The following CEP44 variants were observed in gnomAD, a reference collection of about 807,000 sequenced individuals.
CEP44 encodes centrosomal protein 44.
In CEP44, 45 loss-of-function variants were observed where a neutral mutation model predicts 46.7. That is an observed-to-expected ratio of 0.96 (90% CI 0.76 to 1.24). The LOEUF (loss-of-function observed/expected upper bound fraction) is 1.24. CEP44 is among the 50% of genes most tolerant of loss of function. CEP44 has a pLI of 0.00. For synonymous variants in CEP44, 142 were observed against 146.0 expected (o/e 0.97, Z 0.20); for missense variants, 475 against 459.7 (o/e 1.03, Z -0.30).
chr4:174,330,309 C>T (rs1318915413), intron 8 of CEP44, among the ~76,000 whole-genome samples: 2 of 151,770 alleles, frequency 1.3e-5, no homozygotes, highest in African/African-American at 4.8e-5. Flanking sequence ...GCCAACATGG[C>T]GAAACCCCGT....
chr4:174,294,732 C>A (rs1413518930), intron 1 of CEP44, among the ~76,000 whole-genome samples: 2 of 143,606 alleles, frequency 1.4e-5, no homozygotes, highest in Non-Finnish European at 3.2e-5. Context: ...CTGACCACCC[C>A]CCACCTCCCT....
At chr4:174,308,407 G>T (rs1488084527) in intron 6 of CEP44, among the ~76,000 whole-genome samples, 1 of 152,102 alleles carries the variant, frequency 6.6e-6, no homozygotes, top group Non-Finnish European at 1.5e-5. Flanking sequence ...GTTCTCACTT[G>T]TAAGTGGGAG....
chr4:174,307,725 T>C (rs1740593151), intron 6 of CEP44, among the ~76,000 whole-genome samples: 1 of 151,912 alleles, frequency 6.6e-6, no homozygotes. Context: ...GACAAAGGCC[T>C]AATATCTAGC....
rs937244105 is a variant in CEP44, at chr4:174,305,848, G to C, written c.507+1479G>C. On this transcript the variant is annotated intron_variant, in intron 6 of 11. Transcript: ENST00000503780. ...ATGTGCTTTTCAATGTTCTATTTCA[G>C]TATGAGAGTTGAGGGGACAGTGTAA... Among the ~76,000 whole-genome samples the C allele has an allele frequency of 8.5e-5, 13 of 152,156 alleles. 1 individual carries two copies. The highest frequency in any genetic ancestry group is 8.5e-4 in the Admixed American group (13 of 15,286).
intron 6 of CEP44, among the ~76,000 whole-genome samples, 197 bp from the exon 7 acceptor site, chr4:174,308,492 A>G (rs1740699396): frequency 6.6e-6 from 1 of 152,096 alleles, no homozygotes; most frequent in African/African-American, 2.4e-5. Context: ...GGAGGGTAGG[A>G]GGAGGTTCAG....
Position 174,283,977 on chromosome 4 carries a change from A to G in CEP44, c.-148+34A>G. ...CGGGCAGGAACCCACAATTCCAAAT[A>G]CAAACGGTCGGCGCGAGAAGCGCTT... On this transcript the variant is annotated intron_variant, in intron 1 of 11. Coordinates refer to ENST00000503780, the MANE Select transcript of CEP44 (RefSeq NM_001040157.3). This position sits in a 1 kb window ranked among gnomAD's most constrained non-coding sequence, Gnocchi z 6.7. 2.5e-6 allele frequency: 1 copy of G among 399,668 alleles called. No homozygotes were observed. Among genetic ancestry groups the G allele is most frequent in the Non-Finnish European group, 4.4e-6 (1 of 226,798 alleles). 24.8% of individuals were successfully genotyped at this position (399,668 alleles called of 1,614,324 possible).
chr4:174,284,800 G>A (rs1436210721), intron 1 of CEP44, among the ~76,000 whole-genome samples: 3 of 152,040 alleles, frequency 2.0e-5, no homozygotes, highest in African/African-American at 7.2e-5. Flanking sequence ...TTCATAAACT[G>A]TTTTTCTCAT....
In CEP44 at chr4:174,311,059, T is replaced by A. The variant is rs1741025800; in HGVS notation, c.961+201T>A. Among the ~76,000 whole-genome samples the A allele has an allele frequency of 6.6e-6, 1 of 152,014 alleles. No homozygotes were observed. The highest frequency in any genetic ancestry group is 2.4e-5 in the African/African-American group (1 of 41,442). On this transcript the variant is annotated intron_variant, in intron 9 of 11. Coordinates refer to ENST00000503780, the MANE Select transcript of CEP44 (RefSeq NM_001040157.3). The surrounding 1 kb of genome is among the most constrained non-coding windows in gnomAD (Gnocchi z 4.4). ...TATTTCACATAACATAGTGGGTGAA[T>A]AAATTTCAGTGTACAAAATTGAAAA...
chr4:174,324,476 C>T (rs1742526708), downstream of CEP44, among the ~76,000 whole-genome samples: 1 of 152,094 alleles, frequency 6.6e-6, no homozygotes, highest in African/African-American at 2.4e-5. Context: ...AACTCTTTTC[C>T]AAACTGGCTG....
intron 2 of CEP44, among the ~76,000 whole-genome samples, 174 bp downstream of exon 2, chr4:174,298,236 C>T (rs1392530292): frequency 4.1e-5 from 5 of 122,118 alleles, no homozygotes; most frequent in Admixed American, 1.1e-4. Flanking sequence ...AGTGCAGTGG[C>T]GGGATCTCGG....
chr4:174,310,057 G>A lies in CEP44; in HGVS notation c.885+1G>A. 1 of 1,608,344 alleles carries A rather than the reference G, an allele frequency of 6.2e-7. No homozygotes were observed. Among genetic ancestry groups the A allele is most frequent in the Non-Finnish European group, 8.5e-7 (1 of 1,177,484 alleles). ...AACAGAAATGCTTTTGTCTAAAAAGGTATTTTCCTCCTTTAACATTTATAA... is the reference window on the plus strand; with the variant it reads ...AACAGAAATGCTTTTGTCTAAAAAGATATTTTCCTCCTTTAACATTTATAA... On this transcript the variant is annotated splice_donor_variant, in intron 8 of 11. Coordinates refer to ENST00000503780, the MANE Select transcript of CEP44 (RefSeq NM_001040157.3). LOFTEE classifies it high-confidence loss of function. This position sits in a 1 kb window ranked among gnomAD's most constrained non-coding sequence, Gnocchi z 4.2.
chr4:174,316,560 A>G lies in CEP44; in HGVS notation c.1117A>G (p.Lys373Glu). The G allele has an allele frequency of 1.3e-6, 2 of 1,588,086 alleles. No individual in the cohort carries two copies. The highest frequency in any genetic ancestry group is 1.7e-6 in the Non-Finnish European group (2 of 1,165,180). Reference protein sequence around the residue: ...ETTIQKMERMKKMFEETAELL... With the variant: ...ETTIQKMERMEKMFEETAELL... Reference sequence around the variant, plus strand: ...AACAATCCAGAAAATGGAAAGGATGAAAAAAATGTAAGTAACAGAAAGGGG... The same window carrying G: ...AACAATCCAGAAAATGGAAAGGATGGAAAAAATGTAAGTAACAGAAAGGGG... The change falls in exon 11 of 12, where the codon AAA becomes GAA. Residue 373 changes from lysine to glutamate, a missense_variant. By Grantham distance (56) the Lys-to-Glu change is moderately conservative. Transcript: ENST00000503780.
At chr4:174,298,327 C>T (rs542427577) in intron 2 of CEP44, among the ~76,000 whole-genome samples, 134 of 151,368 alleles carry the variant, frequency 8.9e-4, no homozygotes, top group African/African-American at 3.1e-3. Flanking sequence ...AGGCGCCTGC[C>T]ACTACGCCCG....
rs1358611777 is a variant in CEP44, at chr4:174,326,418, T to C, written c.1087-5064T>C. On this transcript the variant is annotated intron_variant, in intron 8 of 8. Coordinates refer to the CEP44 transcript ENST00000426172. This position sits in a 1 kb window ranked among gnomAD's most constrained non-coding sequence, Gnocchi z 4.8. ...ACATAAGAGCCTTACGATAATATAC[T>C]TTTCATTCTTTCTGCGCCCGCCAAG... 6.6e-6 allele frequency among the ~76,000 whole-genome samples: 1 copy of C among 150,910 alleles called. No homozygotes were observed. The highest frequency in any genetic ancestry group is 2.4e-5 in the African/African-American group (1 of 41,346).
At chr4:174,293,746 A>C (rs1738504975) in intron 1 of CEP44, among the ~76,000 whole-genome samples, 1 of 152,198 alleles carries the variant, frequency 6.6e-6, no homozygotes, top group South Asian at 2.1e-4. Context: ...TTGCAAATGA[A>C]GACCACTTTA....
rs1381567724 is a variant in CEP44, at chr4:174,312,305, G to T, written c.961+1447G>T. Among the ~76,000 whole-genome samples, 4 of 150,186 alleles carry T rather than the reference G, an allele frequency of 2.7e-5. No homozygotes were observed. The highest frequency in any genetic ancestry group is 2.7e-4 in the Admixed American group (4 of 15,046). ...ATTTTTTAATTTTTTTGAGATAAGT[G>T]TGGTCTTACTCTGCTGCTCAGGCTG... On this transcript the variant is annotated intron_variant, in intron 9 of 11. Coordinates refer to ENST00000503780, the MANE Select transcript of CEP44 (RefSeq NM_001040157.3). This position sits in a 1 kb window ranked among gnomAD's most constrained non-coding sequence, Gnocchi z 4.5.
intron 3 of CEP44, among the ~76,000 whole-genome samples, chr4:174,300,486 A>G (rs1739588074): frequency 6.6e-6 from 1 of 152,174 alleles, no homozygotes; most frequent in Non-Finnish European, 1.5e-5. Flanking sequence ...GACATTTTAA[A>G]TAGGAATAAT....
intron 9 of CEP44, among the ~76,000 whole-genome samples, chr4:174,313,814 G>A (rs999684858): frequency 6.6e-6 from 1 of 152,106 alleles, no homozygotes; most frequent in African/African-American, 2.4e-5. Context: ...GACTACTTGT[G>A]TTTGGCTCAT....
chr4:174,291,903 A>G (rs1738277660), intron 1 of CEP44, among the ~76,000 whole-genome samples: 1 of 136,322 alleles, frequency 7.3e-6, no homozygotes, highest in Non-Finnish European at 1.5e-5. Context: ...TCAGCCTCCC[A>G]CCACAGCCTC....
Sources: gnomAD v4.1 joint callset for allele counts (sites outside exome capture counted in the v4.1 genomes callset) on GRCh38, gnomAD v4.1.1 for gene constraint, Gnocchi (gnomAD v3.1) non-coding constraint, MANE v1.5 for transcripts, NCBI Gene and HGNC (gene_info 2026-07-23, HGNC 2026-07-21) for gene names.